Variants in SPTAN1 observed in about 807,000 individuals in gnomAD.
SPTAN1 encodes spectrin alpha, non-erythrocytic 1.
In SPTAN1, 61 loss-of-function variants were observed where a neutral mutation model predicts 331.3. That is an observed-to-expected ratio of 0.18 (90% CI 0.15 to 0.23). SPTAN1 has a LOEUF of 0.23. SPTAN1 is among the 10% of genes least tolerant of loss of function. The pLI, the probability that SPTAN1 is intolerant of heterozygous loss-of-function variation, is 1.00. For missense variants in SPTAN1, 2,043 were observed against 3,147.9 expected, an observed-to-expected ratio of 0.65 and a Z score of 8.40; for synonymous variants, 1,153 against 1,173.9, an observed-to-expected ratio of 0.98 and a Z score of 0.36.
chr9:128,593,595 G>T (rs1488856170), intron 23 of SPTAN1: 1 of 204,126 alleles, frequency 4.9e-6, no homozygotes, highest in East Asian at 1.2e-4. Flanking sequence ...GTAACAGAAT[G>T]GCACAGATAC....
chr9:128,593,247 C>T, intron 23 of SPTAN1: 1 of 646,442 alleles, frequency 1.5e-6, no homozygotes, highest in Non-Finnish European at 2.8e-6. Context: ...TCATTGGTTG[C>T]TTCCATGTGC....
intron 40 of SPTAN1, 53 bp downstream of exon 40, chr9:128,613,538 G>A (rs1856796594): frequency 7.1e-7 from 1 of 1,413,014 alleles, no homozygotes; most frequent in Admixed American, 1.7e-5. Context: ...AGCTCTGCCT[G>A]ACTCCTAAGG....
intron 9 of SPTAN1, 111 bp downstream of exon 9, chr9:128,578,356 G>GTATAATC (rs1851542175): frequency 6.9e-7 from 1 of 1,449,140 alleles, no homozygotes; most frequent in Non-Finnish European, 9.5e-7. Flanking sequence ...TTATTCACAG[G>GTATAATC]TGTTTCTCAT....
At chr9:128,562,990 GTGTATATA>G (rs1261506578) in intron 1 of SPTAN1, among the ~76,000 whole-genome samples, 25 of 1,792 alleles carry the variant, frequency 0.014, no homozygotes, top group African/African-American at 0.019. Flanking sequence ...ATACATGTAT[GTGTATATA>G]TATATATATA....
chr9:128,612,293 A>G (rs369370023), intron 39 of SPTAN1, 47 bp downstream of exon 39: 58 of 1,613,564 alleles, frequency 3.6e-5, no homozygotes, highest in Non-Finnish European at 4.7e-5. Context: ...ATTTCTAGTC[A>G]TTTGGCACAG....
chr9:128,630,413 T>C (rs1859513224), intron 52 of SPTAN1, 38 bp downstream of exon 52: 1 of 1,607,808 alleles, frequency 6.2e-7, no homozygotes, highest in African/African-American at 1.3e-5. Context: ...CAGAGACCCT[T>C]CACCCAGCCA....
In SPTAN1 at chr9:128,632,502, C is replaced by T. The variant is rs368329742; in HGVS notation, c.7013+18C>T. On this transcript the variant is annotated intron_variant, in intron 54 of 56. Coordinates refer to ENST00000372739, the MANE Select transcript of SPTAN1 (RefSeq NM_001130438.3). The stretch of plus-strand genomic sequence containing the variant: ...ATGTTTAAGTGAGTTCAGCCTTACT[C>T]GCCCTGGCTGGGTGGGGGGTGTTCG... 32 of 1,614,080 alleles carry T rather than the reference C, an allele frequency of 2.0e-5. No individual in the cohort carries two copies. The highest frequency in any genetic ancestry group is 5.5e-5 in the South Asian group (5 of 91,080).
chr9:128,582,734 G>A lies in SPTAN1; in HGVS notation c.1691G>A (p.Arg564His), dbSNP rs201168391. The change falls in exon 14 of 57, where the codon CGT (arginine) becomes CAT (histidine). Residue 564 changes from arginine to histidine, a missense_variant. Physicochemically the swap from Arg to His is conservative, Grantham distance 29. Transcript: ENST00000372739. ...RRNALHERAM[R>H]RRAQLADSFH... ...AATGCCCTTCACGAGAGAGCCATGC[G>A]TCGCCGGGCCCAGCTAGCCGATTCT... 3.7e-5 allele frequency: 60 copies of A among 1,613,950 alleles called. No homozygotes were observed. In the East Asian group the frequency reaches 7.8e-4, roughly 21 times the overall value.
At chr9:128,617,553 C>T (rs2131786780) in intron 41 of SPTAN1, 87 bp from the exon 42 acceptor site, 2 of 1,593,832 alleles carry the variant, frequency 1.3e-6, no homozygotes, top group South Asian at 1.1e-5. Context: ...TAGTAGATGT[C>T]TGTGAGGTCC....
chr9:128,598,140 G>T (rs949028900), intron 24 of SPTAN1, among the ~76,000 whole-genome samples: 11 of 151,596 alleles, frequency 7.3e-5, no homozygotes, highest in Admixed American at 5.9e-4. Flanking sequence ...TAGGGACAGG[G>T]TTTCTCCATG....
At position 128,577,996 on chromosome 9, in the gene SPTAN1, A is replaced by C. The variant is rs533591966; in HGVS notation, c.1086-114A>C. 2 of 1,265,288 alleles carry C rather than the reference A, an allele frequency of 1.6e-6. No individual in the cohort carries two copies. The highest frequency in any genetic ancestry group is 2.4e-5 in the South Asian group (2 of 82,840). 78.4% of individuals were successfully genotyped at this position (1,265,288 alleles called of 1,614,324 possible). A position where few individuals can be genotyped will look rare whatever the true frequency, so the allele number is the denominator to read the frequency against. ...AAATTTTCATATTTCCCAGAATTAG[A>C]ATTTATATAGTTTGTTAGACATTTG... On this transcript the variant is annotated intron_variant, in intron 8 of 56. Coordinates refer to ENST00000372739, the MANE Select transcript of SPTAN1 (RefSeq NM_001130438.3). This position sits in a 1 kb window ranked among gnomAD's most constrained non-coding sequence, Gnocchi z 4.2.
At chr9:128,584,247 A>G (rs1852293389) in intron 16 of SPTAN1, 35 bp from the exon 17 acceptor site, 1 of 1,614,030 alleles carries the variant, frequency 6.2e-7, no homozygotes, top group Non-Finnish European at 8.5e-7. Flanking sequence ...AACCACACCC[A>G]AAGTAAAGTC....
At chr9:128,598,274 CT>C (rs1268287662) in intron 24 of SPTAN1, 125 bp from the exon 25 acceptor site, 61,023 of 530,948 alleles carry the variant, frequency 0.11, 3 homozygotes, top group South Asian at 0.15. Flanking sequence ...TAATCCCCCC[CT>C]TTTTTTTTTT....
At position 128,605,388 on chromosome 9, in the gene SPTAN1, G is replaced by C; in HGVS notation, c.3957G>C (p.Gln1319His). 2.5e-6 allele frequency: 4 copies of C among 1,614,206 alleles called. No individual in the cohort carries two copies. The highest frequency in any genetic ancestry group is 3.4e-6 in the Non-Finnish European group (4 of 1,180,048). ...DLQEKCTELN[Q>H]AWSSLGKRAD... is the part of the protein sequence containing the mutation. ...AGGAAAAGTGCACAGAGTTAAACCA[G>C]GCCTGGAGCAGCCTGGGGAAACGTG... The change falls in exon 31 of 57, where the codon CAG (glutamine) becomes CAC (histidine). Residue 1319 changes from glutamine to histidine, a missense_variant. By Grantham distance (24) the Gln-to-His change is conservative. This residue lies in a region of SPTAN1 where 179 missense variants were observed against 215.7 expected (regional missense o/e 0.83). Coordinates refer to ENST00000372739, the MANE Select transcript of SPTAN1 (RefSeq NM_001130438.3).
intron 3 of SPTAN1, 126 bp downstream of exon 3, chr9:128,569,023 T>A: frequency 3.7e-6 from 5 of 1,355,032 alleles, no homozygotes; most frequent in Non-Finnish European, 5.2e-6. Context: ...ATTTATGAAG[T>A]CTCCTTAAGA....
intron 27 of SPTAN1, 124 bp downstream of exon 27, chr9:128,600,239 G>T: frequency 1.8e-6 from 2 of 1,090,262 alleles, no homozygotes; most frequent in Non-Finnish European, 2.8e-6. Flanking sequence ...GACTTGTTTG[G>T]GCTGGTTTCT....
intron 40 of SPTAN1, among the ~76,000 whole-genome samples, chr9:128,614,280 C>G (rs1856877429): frequency 6.6e-6 from 1 of 152,010 alleles, no homozygotes; most frequent in South Asian, 2.1e-4. Flanking sequence ...CATGATGAGA[C>G]TCTGTCTGTA....
intron 4 of SPTAN1, 92 bp from the exon 5 acceptor site, chr9:128,575,107 C>T: frequency 6.5e-7 from 1 of 1,548,366 alleles, no homozygotes; most frequent in South Asian, 1.1e-5. Flanking sequence ...GCTAACATGG[C>T]TCCGTCCCTA....
intron 37 of SPTAN1, among the ~76,000 whole-genome samples, chr9:128,610,155 G>A (rs1054206581): frequency 3.9e-5 from 6 of 152,156 alleles, no homozygotes; most frequent in Non-Finnish European, 8.8e-5. Flanking sequence ...GTAGAGAGAC[G>A]GATGGTCTAT....
Sources: allele counts gnomAD v4.1 joint callset (sites outside exome capture counted in the v4.1 genomes callset), GRCh38; gene constraint gnomAD v4.1.1; regional missense constraint gnomAD v4.1.1; non-coding constraint Gnocchi (gnomAD v3.1); transcripts MANE v1.5; gene names NCBI Gene and HGNC (gene_info 2026-07-23, HGNC 2026-07-21).